Variants in TRDN observed in about 807,000 individuals in gnomAD.
The protein encoded by TRDN is triadin in skeletal muscle.
A neutral mutation model predicts 149.7 loss-of-function variants in TRDN; 161 were observed. The ratio of observed to expected loss-of-function variants is 1.08; its 90% CI spans 0.95 to 1.23. The LOEUF is 1.23. TRDN is among the 50% of genes most tolerant of loss of function. The pLI is 0.00. For synonymous variants in TRDN, 294 were observed against 250.5 expected, an observed-to-expected ratio of 1.17 and a Z score of -1.64; for missense variants, 896 against 823.5, an observed-to-expected ratio of 1.09 and a Z score of -1.08.
chr6:123,354,143 C>T (rs1020442226), intron 20 of TRDN, among the ~76,000 whole-genome samples: 4 of 151,726 alleles, frequency 2.6e-5, no homozygotes, highest in Non-Finnish European at 4.4e-5. Flanking sequence ...ATCAAATTCC[C>T]TTGAAGGGCA....
intron 1 of TRDN, among the ~76,000 whole-genome samples, chr6:123,585,527 C>T (rs1248162875): frequency 6.6e-6 from 1 of 152,148 alleles, no homozygotes; most frequent in Non-Finnish European, 1.5e-5. Flanking sequence ...GTCTAGGGGG[C>T]TTCCGAGGCG....
chr6:123,347,250 A>G (rs1311978423), intron 21 of TRDN, among the ~76,000 whole-genome samples: 3 of 152,120 alleles, frequency 2.0e-5, no homozygotes, highest in Non-Finnish European at 4.4e-5. Flanking sequence ...ACGTACTGAA[A>G]AACTGACAGT....
chr6:123,569,468 C>G (rs1464125786), intron 2 of TRDN, among the ~76,000 whole-genome samples: 10 of 152,200 alleles, frequency 6.6e-5, no homozygotes, highest in African/African-American at 2.4e-4. Context: ...TACCCCACTA[C>G]TGGTGCCAAT....
intron 4 of TRDN, among the ~76,000 whole-genome samples, chr6:123,537,448 G>A (rs987396878): frequency 2.6e-5 from 4 of 152,126 alleles, no homozygotes; most frequent in Admixed American, 2.6e-4. Flanking sequence ...GTATAATGGA[G>A]AATTTTCTTG....
At chr6:123,388,619 A>G (rs1781993718) in intron 13 of TRDN, 68 bp from the exon 14 acceptor site, 4 of 1,514,044 alleles carry the variant, frequency 2.6e-6, no homozygotes, top group Non-Finnish European at 3.6e-6. Flanking sequence ...CCAGAATATG[A>G]GAATGTATTC....
At chr6:123,545,472 T>C (rs1459578789) in intron 4 of TRDN, among the ~76,000 whole-genome samples, 1 of 151,954 alleles carries the variant, frequency 6.6e-6, no homozygotes, top group Non-Finnish European at 1.5e-5. Flanking sequence ...ATAGATCTTC[T>C]TGAATTCACT....
rs184043030 is a variant in TRDN at position 123,478,573 on chromosome 6, T to A, written c.854-13590A>T. On this transcript the variant is annotated intron_variant, in intron 9 of 40. Coordinates refer to ENST00000334268, the MANE Select transcript of TRDN (RefSeq NM_006073.4). ...ATATAGGTAAATAGGTAAATACGAA[T>A]TGCGTTTTTATTTTAGTACAAAGAC... 3.0e-3 allele frequency among the ~76,000 whole-genome samples: 454 copies of A among 152,262 alleles called. 1 individual carries two copies. Among genetic ancestry groups the A allele is most frequent in the Middle Eastern group, 0.01 (3 of 294 alleles).
chr6:123,600,124 T>C (rs1216404853), intron 1 of TRDN, among the ~76,000 whole-genome samples: 1 of 152,058 alleles, frequency 6.6e-6, no homozygotes, highest in Non-Finnish European at 1.5e-5. Flanking sequence ...TGCCACATGA[T>C]GCCTTTTATG....
intron 10 of TRDN, among the ~76,000 whole-genome samples, chr6:123,451,302 G>A (rs1775753877): frequency 6.6e-6 from 1 of 151,846 alleles, no homozygotes; most frequent in Non-Finnish European, 1.5e-5. Context: ...AAAGATAAAT[G>A]AAATAAAAAG....
At chr6:123,453,522 A>C (rs958667602) in intron 10 of TRDN, among the ~76,000 whole-genome samples, 2 of 152,164 alleles carry the variant, frequency 1.3e-5, no homozygotes, top group African/African-American at 4.8e-5. Flanking sequence ...CAACATCACT[A>C]ATGATCAAGG....
At position 123,464,922 on chromosome 6, in the gene TRDN, T is replaced by C; in HGVS notation, c.915A>G (p.Ala305=). 1 of 1,591,670 alleles carries C rather than the reference T, an allele frequency of 6.3e-7. No individual in the cohort carries two copies. The highest frequency in any genetic ancestry group is 8.6e-7 in the Non-Finnish European group (1 of 1,168,512). The change falls in exon 10 of 41, where the codon GCA becomes GCG. Residue 305 remains alanine (A), a synonymous_variant. Transcript: ENST00000334268. ...PTEQASRPTP[A]SPALEEKEGE... is the part of the protein sequence containing the mutation. ...AGTACTTGCCTTCAAGGGCAGGTGA[T>C]GCCGGAGTGGGTCTGGAAGCTTGTT...
At chr6:123,452,838 C>T (rs769469253) in intron 10 of TRDN, among the ~76,000 whole-genome samples, 1 of 152,156 alleles carries the variant, frequency 6.6e-6, no homozygotes, top group Non-Finnish European at 1.5e-5. Context: ...ATCACACTAC[C>T]TGATTTCCAA....
chr6:123,370,033 A>C (rs897593611), intron 19 of TRDN, among the ~76,000 whole-genome samples: 2 of 152,134 alleles, frequency 1.3e-5, no homozygotes, highest in Non-Finnish European at 2.9e-5. Context: ...TCTGTTTTTC[A>C]AACCTGTTTT....
intron 38 of TRDN, among the ~76,000 whole-genome samples, chr6:123,246,785 T>C (rs932058111): frequency 2.5e-5 from 3 of 118,984 alleles, no homozygotes; most frequent in African/African-American, 8.4e-5. Context: ...GGCAGAGACA[T>C]AACAGAAAAA....
intron 24 of TRDN, among the ~76,000 whole-genome samples, chr6:123,279,429 T>C (rs1777501416): frequency 6.6e-6 from 1 of 152,160 alleles, no homozygotes; most frequent in African/African-American, 2.4e-5. Flanking sequence ...TAGTGGCCAG[T>C]CTGTGGGCCA....
At chr6:123,538,354 A>G (rs1780654183) in intron 4 of TRDN, among the ~76,000 whole-genome samples, 1 of 152,204 alleles carries the variant, frequency 6.6e-6, no homozygotes, top group Admixed American at 6.5e-5. Flanking sequence ...TTTAGTGGCT[A>G]ATTAAATAAT....
chr6:123,400,537 C>T (rs73771948), intron 12 of TRDN, among the ~76,000 whole-genome samples: 17,803 of 152,048 alleles, frequency 0.12, 1,032 homozygotes, highest in Middle Eastern at 0.16. Flanking sequence ...CTAAAGCCCC[C>T]GCTGATCTGA....
intron 19 of TRDN, among the ~76,000 whole-genome samples, chr6:123,371,181 G>A (rs1469006659): frequency 1.3e-5 from 2 of 151,902 alleles, no homozygotes; most frequent in African/African-American, 4.8e-5. Context: ...ACTATGCCAT[G>A]TTTTGCCTTT....
chr6:123,325,067 C>T (rs1045415184), intron 23 of TRDN, among the ~76,000 whole-genome samples: 4 of 151,794 alleles, frequency 2.6e-5, no homozygotes, highest in Admixed American at 2.6e-4. Context: ...TTCCTTCATG[C>T]CTAGCAAACA....
Sources: allele counts gnomAD v4.1 joint callset (sites outside exome capture counted in the v4.1 genomes callset), GRCh38; gene constraint gnomAD v4.1.1; transcripts MANE v1.5; gene names NCBI Gene and HGNC (gene_info 2026-07-23, HGNC 2026-07-21).